Variants in CEBPE observed in about 807,000 individuals in gnomAD.
The protein encoded by CEBPE is CCAAT enhancer binding protein epsilon, also known as CCAAT/enhancer-binding protein epsilon.
A neutral mutation model predicts 20.4 loss-of-function variants in CEBPE; 10 were observed. The ratio of observed to expected loss-of-function variants is 0.49; its 90% CI spans 0.30 to 0.83. The LOEUF is 0.83. CEBPE is among the 40% of genes least tolerant of loss of function. CEBPE has a pLI of 0.06. For missense variants in CEBPE, 389 were observed against 383.3 expected (o/e 1.01, Z -0.12); for synonymous variants, 179 against 162.6 (o/e 1.10, Z -0.77).
chr14:23,117,910 A>T, intron 1 of CEBPE, 88 bp from the exon 2 acceptor site: 1 of 981,128 alleles, frequency 1.0e-6, no homozygotes, highest in Middle Eastern at 3.2e-4. Context: ...CAGCCAGGGC[A>T]CACTTGATGC....
rs746230262 is a variant in CEBPE, at chr14:23,117,588, G to C, written c.745C>G (p.Arg249Gly). 6.2e-7 allele frequency: 1 copy of C among 1,614,096 alleles called. No individual in the cohort carries two copies. Residue 249 changes from arginine to glycine, a missense_variant, in exon 2 of 2, where the codon CGC (arginine) becomes GGC (glycine). By Grantham distance (125) the Arg-to-Gly change is moderately radical. Transcript: ENST00000206513. ...AGCTCCTGGGTGAGCTGCTCCACGCGGCTGCGGAGGCGCTCGTTCTCTGCC... is the reference window on the plus strand; with the variant it reads ...AGCTCCTGGGTGAGCTGCTCCACGCCGCTGCGGAGGCGCTCGTTCTCTGCC... ...YMAENERLRS[R>G]VEQLTQELDT... is the part of the protein sequence containing the mutation.
rs774719241 is a variant in CEBPE, at chr14:23,117,523, C to T, written c.810G>A (p.Ala270=). The change falls in exon 2 of 2, where the codon GCG becomes GCA. Residue 270 remains alanine (A), a synonymous_variant. Coordinates refer to ENST00000206513, the MANE Select transcript of CEBPE (RefSeq NM_001805.4). ...CCCCCACGCCCTTGATGAGGTTGGC[C>T]GCCTCAGGAATCTGGCGGAAGAGGT... is the stretch of plus-strand genomic sequence containing the variant. The part of the protein sequence containing the change: ...LRNLFRQIPE[A]ANLIKGVGGC... 7 of 1,613,680 alleles carry T rather than the reference C, an allele frequency of 4.3e-6. No individual in the cohort carries two copies. Among genetic ancestry groups the T allele is most frequent in the Admixed American group, 1.7e-5 (1 of 60,008 alleles).
Position 23,117,704 on chromosome 14 carries a change from C to G in CEBPE, c.629G>C (p.Arg210Thr), listed in dbSNP as rs2048515836. ...CACGGCGATGTTGTTGCGCTCCCGC[C>G]TCAGCCGGTACTCAAGGCTATCTTT... Reference protein sequence around the residue: ...VNKDSLEYRLRRERNNIAVRK... With the variant: ...VNKDSLEYRLTRERNNIAVRK... Residue 210 changes from arginine to threonine, a missense_variant, in exon 2 of 2, where the codon AGG (arginine) becomes ACG (threonine). By Grantham distance (71) the Arg-to-Thr change is moderately conservative (BLOSUM62 -1). Around this residue, in one of 3 missense-constraint regions of CEBPE, gnomAD observed 8 missense variants for 25.2 expected, o/e 0.32. Coordinates refer to ENST00000206513, the MANE Select transcript of CEBPE (RefSeq NM_001805.4). The G allele has an allele frequency of 6.2e-7, 1 of 1,614,112 alleles. No individual in the cohort carries two copies. Among genetic ancestry groups the G allele is most frequent in the South Asian group, 1.1e-5 (1 of 91,090 alleles).
Position 23,117,898 on chromosome 14 carries a change from G to C in CEBPE, c.511-76C>G, listed in dbSNP as rs529712973. On this transcript the variant is annotated intron_variant, in intron 1 of 1. Coordinates refer to ENST00000206513, the MANE Select transcript of CEBPE (RefSeq NM_001805.4). ...AGAGCGGAGGCGGGGCGGGAATCTC[G>C]GCAGCCAGGGCACACTTGATGCGTC... is the stretch of plus-strand genomic sequence containing the variant. 18 of 1,138,944 alleles carry C rather than the reference G, an allele frequency of 1.6e-5. No homozygotes were observed. The Admixed American group carries it at 3.3e-4, about 21-fold the overall frequency. 70.6% of individuals were successfully genotyped at this position (1,138,944 alleles called of 1,614,324 possible). A position where few individuals can be genotyped will look rare whatever the true frequency, so the allele number is the denominator to read the frequency against.
At position 23,118,917 on chromosome 14, in the gene CEBPE, C is replaced by CA; in HGVS notation, c.174dup (p.Ala59CysfsTer7). 6.2e-7 allele frequency: 1 copy of CA among 1,614,050 alleles called. No homozygotes were observed. The highest frequency in any genetic ancestry group is 8.5e-7 in the Non-Finnish European group (1 of 1,179,964). On this transcript the variant is annotated frameshift_variant, in exon 1 of 2. Coordinates refer to ENST00000206513, the MANE Select transcript of CEBPE (RefSeq NM_001805.4). LOFTEE classifies it high-confidence loss of function. The surrounding 1 kb of genome is among the most constrained non-coding windows in gnomAD (Gnocchi z 5.5). ...CTGGCCTCAGGCGCTGGCTTCACGGCAAAGAGATCGGAGAGAAGCTGCTCT... is the reference window on the plus strand; with the variant it reads ...CTGGCCTCAGGCGCTGGCTTCACGGCAAAAGAGATCGGAGAGAAGCTGCTCT...
rs775604463 is a variant in CEBPE at position 23,117,537 on chromosome 14, G to A, written c.796C>T (p.Gln266Ter). ...ELDTLRNLFR[Q>*]IPEAANLIKG... ...ATGAGGTTGGCCGCCTCAGGAATCT[G>A]GCGGAAGAGGTTGCGGAGGGTGTCT... is the stretch of plus-strand genomic sequence containing the variant. The change falls in exon 2 of 2, where the codon CAG (glutamine) becomes TAG (stop). Residue 266 changes from glutamine to a stop codon, truncating the protein, a stop_gained. Transcript: ENST00000206513. LOFTEE classifies it high-confidence loss of function. 2.5e-6 allele frequency: 4 copies of A among 1,613,830 alleles called. No homozygotes were observed.
At position 23,118,722 on chromosome 14, in the gene CEBPE, GCTC is replaced by G; in HGVS notation, c.367_369del (p.Glu123del). 6.2e-7 allele frequency: 1 copy of G among 1,613,390 alleles called. No homozygotes were observed. Among genetic ancestry groups the G allele is most frequent in the Non-Finnish European group, 8.5e-7 (1 of 1,179,854 alleles). On this transcript the variant is annotated inframe_deletion, in exon 1 of 2. Coordinates refer to ENST00000206513, the MANE Select transcript of CEBPE (RefSeq NM_001805.4). This position sits in a 1 kb window ranked among gnomAD's most constrained non-coding sequence, Gnocchi z 5.5. ...GCTCGGCTGCCCTCTGGCCCCCGGGGCTCCTCCTTCACCGCCACAGCCCTGGGG... is the reference window on the plus strand; with the variant it reads ...GCTCGGCTGCCCTCTGGCCCCCGGGGCTCCTTCACCGCCACAGCCCTGGGG...
In CEBPE at chr14:23,118,714, C is replaced by T. The variant is rs764562853; in HGVS notation, c.378G>A (p.Gly126=). 1.9e-6 allele frequency: 3 copies of T among 1,613,194 alleles called. No individual in the cohort carries two copies. Among genetic ancestry groups the T allele is most frequent in the Non-Finnish European group, 1.7e-6 (2 of 1,179,860 alleles). The stretch of plus-strand genomic sequence containing the variant: ...GGCTGGCAGCTCGGCTGCCCTCTGG[C>T]CCCCGGGGCTCCTCCTTCACCGCCA... ...RAVAVKEEPR[G]PEGSRAASRG... Residue 126 remains glycine (G), a synonymous_variant, in exon 1 of 2, where the codon GGG becomes GGA. Transcript: ENST00000206513. The surrounding 1 kb of genome is among the most constrained non-coding windows in gnomAD (Gnocchi z 5.5).
Position 23,118,876 on chromosome 14 carries a change from G to C in CEBPE, c.216C>G (p.Pro72=), listed in dbSNP as rs200808733. ...AGTAGTGGGGGAAGGCAGGGGTTCC[G>C]GGGCCCTTGAGGCCTCTGGCCTCAG... ...PAPEARGLKG[P]GTPAFPHYLP... is the part of the protein sequence containing the mutation. The change falls in exon 1 of 2, where the codon CCC becomes CCG. Residue 72 remains proline, a synonymous_variant. Coordinates refer to ENST00000206513, the MANE Select transcript of CEBPE (RefSeq NM_001805.4). This position sits in a 1 kb window ranked among gnomAD's most constrained non-coding sequence, Gnocchi z 5.5. 1.2e-6 allele frequency: 2 copies of C among 1,614,008 alleles called. No homozygotes were observed. Among genetic ancestry groups the C allele is most frequent in the Non-Finnish European group, 1.7e-6 (2 of 1,179,970 alleles).
Position 23,118,895 on chromosome 14 carries a change from G to C in CEBPE, c.197C>G (p.Ala66Gly). The change falls in exon 1 of 2, where the codon GCC (alanine) becomes GGC (glycine). Residue 66 changes from alanine to glycine, a missense_variant. This residue lies in a region of CEBPE where 294 missense variants were observed against 279.7 expected (regional missense o/e 1.05). Coordinates refer to ENST00000206513, the MANE Select transcript of CEBPE (RefSeq NM_001805.4). This position sits in a 1 kb window ranked among gnomAD's most constrained non-coding sequence, Gnocchi z 5.5. ...GGTTCCGGGGCCCTTGAGGCCTCTGGCCTCAGGCGCTGGCTTCACGGCAAA... is the reference window on the plus strand; with the variant it reads ...GGTTCCGGGGCCCTTGAGGCCTCTGCCCTCAGGCGCTGGCTTCACGGCAAA... ...DLFAVKPAPE[A>G]RGLKGPGTPA... 6.2e-7 allele frequency: 1 copy of C among 1,614,084 alleles called. No individual in the cohort carries two copies. Among genetic ancestry groups the C allele is most frequent in the Non-Finnish European group, 8.5e-7 (1 of 1,179,976 alleles).
rs369075679 is a variant in CEBPE at position 23,118,949 on chromosome 14, G to C, written c.143C>G (p.Ser48Cys). Residue 48 changes from serine to cysteine, a missense_variant, in exon 1 of 2, where the codon TCT becomes TGT. Around this residue, in one of 3 missense-constraint regions of CEBPE, gnomAD observed 294 missense variants for 279.7 expected, o/e 1.05. Coordinates refer to ENST00000206513, the MANE Select transcript of CEBPE (RefSeq NM_001805.4). This position sits in a 1 kb window ranked among gnomAD's most constrained non-coding sequence, Gnocchi z 5.5. ...ATCGGAGAGAAGCTGCTCTTCCCCA[G>C]ACTCGATGTAGGCGGAGAGGTCAAT... ...ASIDLSAYIE[S>C]GEEQLLSDLF... 2 of 1,614,056 alleles carry C rather than the reference G, an allele frequency of 1.2e-6. No homozygotes were observed. The highest frequency in any genetic ancestry group is 2.2e-5 in the South Asian group (2 of 91,086).
At position 23,118,961 on chromosome 14, in the gene CEBPE, G is replaced by A. The variant is rs1292024007; in HGVS notation, c.131C>T (p.Ala44Val). 3 of 1,613,994 alleles carry A rather than the reference G, an allele frequency of 1.9e-6. No individual in the cohort carries two copies. In the South Asian group the frequency reaches 3.3e-5, roughly 18 times the overall value. The change falls in exon 1 of 2, where the codon GCC becomes GTC. Residue 44 changes from alanine to valine, a missense_variant. This residue lies in a region of CEBPE where 294 missense variants were observed against 279.7 expected (regional missense o/e 1.05). Transcript: ENST00000206513. This position sits in a 1 kb window ranked among gnomAD's most constrained non-coding sequence, Gnocchi z 5.5. ...CEHEASIDLS[A>V]YIESGEEQLL... Reference sequence around the variant, plus strand: ...CTGCTCTTCCCCAGACTCGATGTAGGCGGAGAGGTCAATGGAGGCCTCATG... The same window carrying A: ...CTGCTCTTCCCCAGACTCGATGTAGACGGAGAGGTCAATGGAGGCCTCATG...
chr14:23,119,076 A>G lies in CEBPE; in HGVS notation c.16T>C (p.Tyr6His). 6.2e-7 allele frequency: 1 copy of G among 1,606,112 alleles called. No individual in the cohort carries two copies. Among genetic ancestry groups the G allele is most frequent in the Non-Finnish European group, 8.5e-7 (1 of 1,178,458 alleles). MSHGTYYECEPRGGQQ... is the reference protein window; with the variant it reads MSHGTHYECEPRGGQQ... ...CCACCCCGGGGCTCACACTCGTAGTAGGTCCCGTGGGACATGGCCGGCCCG... is the reference window on the plus strand; with the variant it reads ...CCACCCCGGGGCTCACACTCGTAGTGGGTCCCGTGGGACATGGCCGGCCCG... Residue 6 changes from tyrosine to histidine, a missense_variant, in exon 1 of 2, where the codon TAC becomes CAC. Transcript: ENST00000206513.
chr14:23,118,489 A>G lies in CEBPE; in HGVS notation c.510+93T>C. 3 of 1,448,628 alleles carry G rather than the reference A, an allele frequency of 2.1e-6. No homozygotes were observed. 89.7% of individuals were successfully genotyped at this position (1,448,628 alleles called of 1,614,324 possible). ...TCCATTTCACAGAGCGACACCAAGC[A>G]CAGGCTCAGCAGCATGAGCCGGGGC... On this transcript the variant is annotated intron_variant, in intron 1 of 1. Coordinates refer to ENST00000206513, the MANE Select transcript of CEBPE (RefSeq NM_001805.4). This position sits in a 1 kb window ranked among gnomAD's most constrained non-coding sequence, Gnocchi z 5.5.
chr14:23,117,960 C>T, intron 1 of CEBPE, 138 bp from the exon 2 acceptor site: 1 of 650,778 alleles, frequency 1.5e-6, no homozygotes, highest in Non-Finnish European at 2.6e-6. Context: ...TCCTGTCTCT[C>T]AGGTCAAAAC....
Position 23,118,700 on chromosome 14 carries a change from C to T in CEBPE, c.392G>A (p.Arg131Gln), listed in dbSNP as rs1363301754. ...KEEPRGPEGS[R>Q]AASRGSYNPL... ...ATTGTAGCTGCCTCGGCTGGCAGCT[C>T]GGCTGCCCTCTGGCCCCCGGGGCTC... The change falls in exon 1 of 2, where the codon CGA (arginine) becomes CAA (glutamine). Residue 131 changes from arginine (R) to glutamine (Q), a missense_variant. Physicochemically the swap from Arg to Gln is conservative, Grantham distance 43. Around this residue, in one of 3 missense-constraint regions of CEBPE, gnomAD observed 294 missense variants for 279.7 expected, o/e 1.05. Coordinates refer to ENST00000206513, the MANE Select transcript of CEBPE (RefSeq NM_001805.4). This position sits in a 1 kb window ranked among gnomAD's most constrained non-coding sequence, Gnocchi z 5.5. 12 of 1,613,298 alleles carry T rather than the reference C, an allele frequency of 7.4e-6. No homozygotes were observed. Among genetic ancestry groups the T allele is most frequent in the African/African-American group, 5.3e-5 (4 of 75,060 alleles).
chr14:23,118,735 C>T lies in CEBPE; in HGVS notation c.357G>A (p.Ala119=), dbSNP rs202220573. The change falls in exon 1 of 2, where the codon GCG becomes GCA. Residue 119 remains alanine (A), a synonymous_variant. Transcript: ENST00000206513. The surrounding 1 kb of genome is among the most constrained non-coding windows in gnomAD (Gnocchi z 5.5). ...SPGSYDPRAV[A]VKEEPRGPEG... Reference sequence around the variant, plus strand: ...CTGGCCCCCGGGGCTCCTCCTTCACCGCCACAGCCCTGGGGTCGTAGCTCC... The same window carrying T: ...CTGGCCCCCGGGGCTCCTCCTTCACTGCCACAGCCCTGGGGTCGTAGCTCC... 1.1e-4 allele frequency: 172 copies of T among 1,613,256 alleles called. No homozygotes were observed. The highest frequency in any genetic ancestry group is 1.3e-4 in the African/African-American group (10 of 74,820).
At chr14:23,117,857 G>A in intron 1 of CEBPE, 35 bp from the exon 2 acceptor site, 1 of 1,541,642 alleles carries the variant, frequency 6.5e-7, no homozygotes, top group Non-Finnish European at 8.8e-7. Flanking sequence ...GGAGAGGTGA[G>A]GGCTGGCCAG....
Sources: allele counts gnomAD v4.1 joint callset, GRCh38; gene constraint gnomAD v4.1.1; regional missense constraint gnomAD v4.1.1; non-coding constraint Gnocchi (gnomAD v3.1); transcripts MANE v1.5; gene names NCBI Gene and HGNC (gene_info 2026-07-23, HGNC 2026-07-21).